CCDC169: variants seen among roughly 807,000 people sequenced by gnomAD.
The protein encoded by CCDC169 is coiled-coil domain containing 169.
A neutral mutation model predicts 36.0 loss-of-function variants in CCDC169; 30 were observed. The ratio of observed to expected loss-of-function variants is 0.83; its 90% CI spans 0.62 to 1.13. CCDC169 has a LOEUF of 1.13. Among genes scored for constraint, CCDC169 ranks in the 50% most tolerant of loss-of-function variants. CCDC169 has a pLI of 0.00. For synonymous variants in CCDC169, 85 were observed against 81.5 expected (o/e 1.04, Z -0.23); for missense variants, 245 against 245.9 (o/e 1.00, Z 0.03).
chr13:36,272,904 G>A (rs1876292049), intron 4 of CCDC169, among the ~76,000 whole-genome samples: 1 of 152,146 alleles, frequency 6.6e-6, no homozygotes, highest in Admixed American at 6.5e-5. Flanking sequence ...TGTTCCATGT[G>A]TTCATCTTCA....
At chr13:36,290,842 A>C (rs890526323) in intron 2 of CCDC169, among the ~76,000 whole-genome samples, 2 of 152,118 alleles carry the variant, frequency 1.3e-5, no homozygotes, top group Non-Finnish European at 1.5e-5. Flanking sequence ...TTTGACTCTA[A>C]GTTCCTTGGC....
rs1039306175 is a variant in CCDC169 at position 36,231,200 on chromosome 13, T to C, written c.638A>G (p.His213Arg). The part of the protein sequence containing the change: ...ITRPNHLPEL[H>R]P ...ATCCATCCAGTTCTGGAATCATGGA[T>C]GGAGTTCTGGAAGATGGTTTGGTCT... Residue 213 changes from histidine to arginine, a missense_variant, in exon 8 of 8, where the codon CAT becomes CGT. Coordinates refer to ENST00000239859, the MANE Select transcript of CCDC169 (RefSeq NM_001144981.3). 7 of 1,551,044 alleles carry C rather than the reference T, an allele frequency of 4.5e-6. No homozygotes were observed. In the African/African-American group the frequency reaches 8.2e-5, roughly 18 times the overall value.
At chr13:36,253,757 T>C (rs1873471743) in intron 6 of CCDC169, 46 bp downstream of exon 6, 1 of 1,521,920 alleles carries the variant, frequency 6.6e-7, no homozygotes, top group African/African-American at 1.4e-5. Flanking sequence ...AAACATAATT[T>C]ACAGTAAGAA....
chr13:36,285,603 A>ATAGATAGC (rs1555254453), intron 2 of CCDC169, among the ~76,000 whole-genome samples: 2 of 148,146 alleles, frequency 1.4e-5, no homozygotes, highest in Non-Finnish European at 3.0e-5. Flanking sequence ...AGATAGATAG[A>ATAGATAGC]TAGATAGATA....
intron 7 of CCDC169, among the ~76,000 whole-genome samples, chr13:36,233,242 C>G (rs1215970102): frequency 7.0e-6 from 1 of 142,458 alleles, no homozygotes; most frequent in Non-Finnish European, 1.6e-5. Context: ...AGTGTCCACC[C>G]CAACAAAGAA....
intron 4 of CCDC169, among the ~76,000 whole-genome samples, chr13:36,256,321 T>C (rs1458908263): frequency 6.6e-6 from 1 of 152,180 alleles, no homozygotes; most frequent in Non-Finnish European, 1.5e-5. Context: ...AAAAGAGGTT[T>C]AACTGACTCA....
Position 36,254,031 on chromosome 13 carries a change from G to C in CCDC169, c.414+14C>G. On this transcript the variant is annotated intron_variant, in intron 5 of 7. Transcript: ENST00000239859. ...AGTTTCAAAGGAATTGCTAAGTATA[G>C]AGTAAAAACAAACCTTTGATTCTTG... 1.3e-6 allele frequency: 2 copies of C among 1,541,582 alleles called. No individual in the cohort carries two copies. The highest frequency in any genetic ancestry group is 1.2e-5 in the South Asian group (1 of 82,024).
intron 7 of CCDC169, chr13:36,240,717 CTT>C (rs1871703401): frequency 1.2e-6 from 1 of 800,490 alleles, no homozygotes; most frequent in South Asian, 1.6e-5. Context: ...AAAAAATAAA[CTT>C]TAGTTTTCTA....
intron 7 of CCDC169, among the ~76,000 whole-genome samples, chr13:36,234,374 TG>T (rs1870818980): frequency 6.6e-6 from 1 of 152,006 alleles, no homozygotes; most frequent in Admixed American, 6.6e-5. Flanking sequence ...TACCAACATA[TG>T]TATAATGAGT....
intron 4 of CCDC169, among the ~76,000 whole-genome samples, chr13:36,261,596 G>A (rs541292706): frequency 1.9e-4 from 29 of 152,282 alleles, no homozygotes; most frequent in African/African-American, 5.1e-4. Context: ...TTTTCAGGTG[G>A]GACTGGCTGG....
At chr13:36,282,329 T>G in intron 4 of CCDC169, 2 of 964,424 alleles carry the variant, frequency 2.1e-6, no homozygotes, top group Non-Finnish European at 2.5e-6. Flanking sequence ...AATATTATTC[T>G]TTATATCAAA....
At chr13:36,257,804 T>C (rs891125318) in intron 4 of CCDC169, among the ~76,000 whole-genome samples, 3 of 152,214 alleles carry the variant, frequency 2.0e-5, no homozygotes, top group Non-Finnish European at 2.9e-5. Context: ...AGCTAGCCAG[T>C]GCCCAGTATA....
chr13:36,247,896 T>C (rs1872692096), intron 7 of CCDC169, among the ~76,000 whole-genome samples: 1 of 152,132 alleles, frequency 6.6e-6, no homozygotes, highest in African/African-American at 2.4e-5. Context: ...CCACAACACA[T>C]ATGACAGAGA....
intron 7 of CCDC169, among the ~76,000 whole-genome samples, chr13:36,234,398 G>C (rs1870824445): frequency 6.6e-6 from 1 of 152,106 alleles, no homozygotes; most frequent in East Asian, 1.9e-4. Flanking sequence ...CCCAGAAGGA[G>C]AGGGGAAAGA....
intron 6 of CCDC169, among the ~76,000 whole-genome samples, chr13:36,249,661 G>A (rs577586638): frequency 1.9e-4 from 29 of 152,268 alleles, no homozygotes; most frequent in African/African-American, 6.7e-4. Context: ...TTTTGTTTTG[G>A]TGGAAGAGTT....
At chr13:36,285,721 C>A (rs1878170606) in intron 2 of CCDC169, among the ~76,000 whole-genome samples, 1 of 152,024 alleles carries the variant, frequency 6.6e-6, no homozygotes, top group Non-Finnish European at 1.5e-5. Flanking sequence ...TTACAGAGTC[C>A]AATTAATAAG....
Position 36,273,157 on chromosome 13 carries a change from T to C in CCDC169, c.315+10312A>G, listed in dbSNP as rs1876325673. Among the ~76,000 whole-genome samples the C allele has an allele frequency of 4.6e-5, 7 of 152,336 alleles. No homozygotes were observed. The South Asian group carries it at 1.2e-3, about 27-fold the overall frequency. On this transcript the variant is annotated intron_variant, in intron 4 of 7. Transcript: ENST00000239859. ...ATTTCTTCTTATCCATTAATTTCAA[T>C]GATCAGCTATCATGTCTTGTCTAAT...
At chr13:36,278,152 T>C (rs1877071696) in intron 4 of CCDC169, among the ~76,000 whole-genome samples, 1 of 152,148 alleles carries the variant, frequency 6.6e-6, no homozygotes, top group Non-Finnish European at 1.5e-5. Flanking sequence ...AATAGTACTT[T>C]TCCTTTATCA....
intron 3 of CCDC169, 22 bp from the exon 4 acceptor site, chr13:36,283,531 C>T: frequency 1.3e-6 from 2 of 1,550,522 alleles, no homozygotes; most frequent in Non-Finnish European, 1.7e-6. Flanking sequence ...CAAATATGAG[C>T]ACTTAATGTT....
Sources: allele counts gnomAD v4.1 joint callset (sites outside exome capture counted in the v4.1 genomes callset), GRCh38; gene constraint gnomAD v4.1.1; transcripts MANE v1.5; gene names NCBI Gene and HGNC (gene_info 2026-07-23, HGNC 2026-07-21).